The following GLI3 variants were observed in gnomAD, a reference collection of about 807,000 sequenced individuals.
GLI3 encodes the protein GLI family zinc finger 3.
Under a neutral mutation model 100.8 loss-of-function variants are expected in GLI3, and 20 were observed. The ratio of observed to expected loss-of-function variants is 0.20; its 90% CI spans 0.14 to 0.29. The LOEUF is 0.29. Ranked by LOEUF, GLI3 falls within the 10% of genes least tolerant of loss-of-function variation. The pLI, the probability that GLI3 is intolerant of heterozygous loss-of-function variation, is 1.00. For synonymous variants in GLI3, 938 were observed against 860.5 expected, an observed-to-expected ratio of 1.09 and a Z score of -1.58; for missense variants, 2,040 against 2,128.5, an observed-to-expected ratio of 0.96 and a Z score of 0.82.
At chr7:42,159,498 G>A (rs1787082910) in intron 2 of GLI3, among the ~76,000 whole-genome samples, 1 of 151,982 alleles carries the variant, frequency 6.6e-6, no homozygotes, top group Non-Finnish European at 1.5e-5. Flanking sequence ...GATGATTATC[G>A]AATTATAGCA....
Position 42,148,252 on chromosome 7 carries a change from C to T in GLI3, c.341G>A (p.Arg114Lys), listed in dbSNP as rs146458902. 4.3e-3 allele frequency: 6,895 copies of T among 1,612,252 alleles called. 18 individuals are homozygous for T. The highest frequency in any genetic ancestry group is 5.4e-3 in the Non-Finnish European group (6,330 of 1,179,118). ...GTAGTGGGGCTCCATGTAACCATTC[C>T]TGGGGTCCATGGCAAACACCGTCCC... ...YRGTVFAMDP[R>K]NGYMEPHYHP... Residue 114 changes from arginine to lysine, a missense_variant, in exon 3 of 15, where the codon AGG becomes AAG. By Grantham distance (26) the Arg-to-Lys change is conservative (BLOSUM62 2). Around this residue, in one of 5 missense-constraint regions of GLI3, gnomAD observed 603 missense variants for 690.9 expected, o/e 0.87. Transcript: ENST00000395925.
chr7:42,128,179 G>C (rs1035503159), intron 3 of GLI3, among the ~76,000 whole-genome samples: 1 of 152,120 alleles, frequency 6.6e-6, no homozygotes, highest in African/African-American at 2.4e-5. Context: ...TGAGTAGCCA[G>C]TCTGTAATAA....
At chr7:42,104,756 G>T (rs1423063116) in intron 3 of GLI3, among the ~76,000 whole-genome samples, 2 of 152,082 alleles carry the variant, frequency 1.3e-5, no homozygotes, top group African/African-American at 4.8e-5. Flanking sequence ...TGTTCATAAG[G>T]GTGGAGCCCT....
At chr7:42,103,123 G>GT (rs11386721) in intron 3 of GLI3, among the ~76,000 whole-genome samples, 45,936 of 151,904 alleles carry the variant, frequency 0.3, 7,087 homozygotes, top group Middle Eastern at 0.4. Context: ...CTGGGGGAGA[G>GT]TATGTTTCCA....
intron 3 of GLI3, among the ~76,000 whole-genome samples, chr7:42,099,214 C>T (rs1357238940): frequency 1.3e-5 from 2 of 152,136 alleles, no homozygotes; most frequent in African/African-American, 2.4e-5. Flanking sequence ...CATGTTTGAT[C>T]AGCTTAAGGC....
At chr7:42,247,838 A>G (rs897756286) in intron 1 of GLI3, among the ~76,000 whole-genome samples, 4 of 152,186 alleles carry the variant, frequency 2.6e-5, no homozygotes, top group African/African-American at 9.6e-5. Flanking sequence ...AAACTATTCT[A>G]CAGTCACTCC....
chr7:42,263,708 A>T (rs1459294434), intron 1 of GLI3, among the ~76,000 whole-genome samples: 1 of 152,120 alleles, frequency 6.6e-6, no homozygotes, highest in Non-Finnish European at 1.5e-5. Flanking sequence ...TTGGTCTCCC[A>T]AAGTGCTGGG....
At chr7:42,249,959 G>A (rs1789014733) in intron 1 of GLI3, among the ~76,000 whole-genome samples, 1 of 152,092 alleles carries the variant, frequency 6.6e-6, no homozygotes, top group East Asian at 1.9e-4. Flanking sequence ...GCCAGGCATG[G>A]TGTTGCATAC....
At chr7:42,111,524 T>C (rs1785706249) in intron 3 of GLI3, among the ~76,000 whole-genome samples, 1 of 152,052 alleles carries the variant, frequency 6.6e-6, no homozygotes, top group Non-Finnish European at 1.5e-5. Flanking sequence ...AGCCCAGACA[T>C]GAACAGGACA....
intron 3 of GLI3, among the ~76,000 whole-genome samples, chr7:42,128,980 A>C (rs1035444114): frequency 6.6e-6 from 1 of 152,208 alleles, no homozygotes; most frequent in Non-Finnish European, 1.5e-5. Flanking sequence ...GAAATGCAAC[A>C]TATTTAATCC....
At chr7:42,126,376 T>C (rs1449590271) in intron 3 of GLI3, among the ~76,000 whole-genome samples, 1 of 152,226 alleles carries the variant, frequency 6.6e-6, no homozygotes, top group African/African-American at 2.4e-5. Context: ...AATTGTAACA[T>C]GCCTCAGCAA....
intron 4 of GLI3, among the ~76,000 whole-genome samples, chr7:42,053,410 AGAG>A (rs1784391587): frequency 6.6e-6 from 1 of 152,228 alleles, no homozygotes; most frequent in South Asian, 2.1e-4. Flanking sequence ...GATTATGACC[AGAG>A]GAGGGCTGAA....
intron 3 of GLI3, among the ~76,000 whole-genome samples, chr7:42,097,001 C>T (rs1785352483): frequency 6.6e-6 from 1 of 152,176 alleles, no homozygotes; most frequent in Non-Finnish European, 1.5e-5. Flanking sequence ...TGCTCAATTT[C>T]ACCCCCTTCA....
At chr7:41,968,838 T>C (rs973313987) in intron 13 of GLI3, among the ~76,000 whole-genome samples, 1 of 152,196 alleles carries the variant, frequency 6.6e-6, no homozygotes, top group Admixed American at 6.5e-5. Flanking sequence ...GTCTGTAGAA[T>C]GATTTCACTG....
At chr7:42,040,605 C>A (rs1784116718) in intron 6 of GLI3, among the ~76,000 whole-genome samples, 2 of 152,168 alleles carry the variant, frequency 1.3e-5, no homozygotes, top group South Asian at 4.1e-4. Flanking sequence ...GTGGTTCCCA[C>A]AATGGCAACA....
chr7:42,117,549 G>A (rs916519962), intron 3 of GLI3, among the ~76,000 whole-genome samples: 1 of 152,164 alleles, frequency 6.6e-6, no homozygotes, highest in Non-Finnish European at 1.5e-5. Context: ...TGATGGGTGC[G>A]ATTCTGACCC....
At chr7:42,260,804 G>A (rs1198908086) in intron 1 of GLI3, among the ~76,000 whole-genome samples, 1 of 152,158 alleles carries the variant, frequency 6.6e-6, no homozygotes, top group Non-Finnish European at 1.5e-5. Flanking sequence ...TGTAGAGACA[G>A]CAATCTCAAT....
chr7:42,222,775 C>T (rs1258290902), intron 2 of GLI3: 2 of 274,076 alleles, frequency 7.3e-6, no homozygotes, highest in South Asian at 4.0e-5. Flanking sequence ...GTCTTTTGTA[C>T]TAATTATTCC....
At chr7:42,156,462 T>C (rs887138398) in intron 2 of GLI3, among the ~76,000 whole-genome samples, 3 of 152,218 alleles carry the variant, frequency 2.0e-5, no homozygotes, top group Non-Finnish European at 4.4e-5. Context: ...CATTTAGGTA[T>C]TCGAGATTTC....
Sources: allele counts gnomAD v4.1 joint callset (sites outside exome capture counted in the v4.1 genomes callset), GRCh38; gene constraint gnomAD v4.1.1; regional missense constraint gnomAD v4.1.1; transcripts MANE v1.5; gene names NCBI Gene and HGNC (gene_info 2026-07-23, HGNC 2026-07-21).